The following B4GALT6 variants were observed in gnomAD, a reference collection of about 807,000 sequenced individuals.
B4GALT6 encodes beta-1,4-galactosyltransferase 6, also known as UDP-Gal:beta-GlcNAc beta-1,4-galactosyltransferase 6.
Under a neutral mutation model 46.3 loss-of-function variants are expected in B4GALT6, and 14 were observed. The observed-to-expected ratio is 0.30, with a 90% CI of 0.20 to 0.47. B4GALT6 has a LOEUF of 0.47. Among genes scored for constraint, B4GALT6 ranks in the 20% least tolerant of loss-of-function variants. The pLI is 0.99. For missense variants in B4GALT6, 386 were observed against 480.1 expected, an observed-to-expected ratio of 0.80 and a Z score of 1.83; for synonymous variants, 168 against 162.0, an observed-to-expected ratio of 1.04 and a Z score of -0.28.
the B4GALT6 span, among the ~76,000 whole-genome samples, chr18:31,707,043 A>G: frequency 6.6e-6 from 1 of 152,184 alleles, no homozygotes; most frequent in Non-Finnish European, 1.5e-5. Flanking sequence ...AACATACATT[A>G]CCTATACTAC....
rs1393426662 is a variant in B4GALT6 at position 31,631,098 on chromosome 18, T to G, written c.637A>C (p.Lys213Gln). 1 of 1,613,972 alleles carries G rather than the reference T, an allele frequency of 6.2e-7. No individual in the cohort carries two copies. The highest frequency in any genetic ancestry group is 1.3e-5 in the African/African-American group (1 of 74,886). Residue 213 changes from lysine (K) to glutamine (Q), a missense_variant, in exon 6 of 9, where the codon AAA becomes CAA. Lys to Gln is a moderately conservative substitution (Grantham distance 53, BLOSUM62 1). Coordinates refer to ENST00000306851, the MANE Select transcript of B4GALT6 (RefSeq NM_004775.5). ...NRAMLFNVGFKEAMKDSVWDC... is the reference protein window; with the variant it reads ...NRAMLFNVGFQEAMKDSVWDC... ...CAGACACTGTCTTTCATGGCCTCTT[T>G]GAAGCCCACATTGAAAAGCATCGCA... is the stretch of plus-strand genomic sequence containing the variant.
chr18:31,675,632 G>C (rs1196052317), intron 1 of B4GALT6, among the ~76,000 whole-genome samples: 2 of 152,078 alleles, frequency 1.3e-5, no homozygotes, highest in Non-Finnish European at 1.5e-5. Context: ...AGAGAGTTAT[G>C]AACCACACTG....
the B4GALT6 span, among the ~76,000 whole-genome samples, chr18:31,715,421 G>A: frequency 1.3e-5 from 2 of 151,216 alleles, no homozygotes; most frequent in African/African-American, 4.9e-5. Flanking sequence ...TAGAGATGGG[G>A]TCTCACTATA....
chr18:31,672,131 C>A (rs114631858), intron 1 of B4GALT6, among the ~76,000 whole-genome samples: 20 of 152,342 alleles, frequency 1.3e-4, no homozygotes, highest in African/African-American at 4.8e-4. Flanking sequence ...TGCCTGCCTG[C>A]AGGGATCTAG....
At chr18:31,722,062 C>T in the B4GALT6 span, among the ~76,000 whole-genome samples, 2 of 152,236 alleles carry the variant, frequency 1.3e-5, no homozygotes, top group Admixed American at 6.5e-5. Flanking sequence ...TATGCATACA[C>T]AAGATTCTGT....
intron 1 of B4GALT6, among the ~76,000 whole-genome samples, chr18:31,674,315 G>A (rs2074391624): frequency 6.6e-6 from 1 of 152,180 alleles, no homozygotes; most frequent in Non-Finnish European, 1.5e-5. Context: ...TTGGTTCAAG[G>A]CCACAGAGGA....
chr18:31,652,502 G>A (rs535626627), intron 3 of B4GALT6, among the ~76,000 whole-genome samples: 66 of 152,090 alleles, frequency 4.3e-4, no homozygotes, highest in Middle Eastern at 3.4e-3. Context: ...CACAAGTACG[G>A]ATTTTCTCAG....
chr18:31,724,476 C>G, the B4GALT6 span: 3 of 1,012,128 alleles, frequency 3.0e-6, no homozygotes, highest in South Asian at 1.1e-4. Flanking sequence ...CGGGCAGACC[C>G]GGGAGAGCTT....
chr18:31,708,904 G>A, the B4GALT6 span, among the ~76,000 whole-genome samples: 1 of 152,186 alleles, frequency 6.6e-6, no homozygotes, highest in Non-Finnish European at 1.5e-5. Flanking sequence ...TGCGCCATTA[G>A]GAAACAGGAA....
the B4GALT6 span, among the ~76,000 whole-genome samples, chr18:31,717,972 A>T: frequency 6.6e-6 from 1 of 151,466 alleles, no homozygotes; most frequent in Admixed American, 6.6e-5. Context: ...AAAAAAAAAG[A>T]TATTATATAT....
the B4GALT6 span, among the ~76,000 whole-genome samples, chr18:31,701,146 A>G: frequency 6.6e-6 from 1 of 152,190 alleles, no homozygotes; most frequent in East Asian, 1.9e-4. Flanking sequence ...TTGGAGGTGG[A>G]GCCTAGTGAG....
At chr18:31,686,092 C>T (rs575925873), upstream of B4GALT6, 2 of 152,428 alleles carry the variant, frequency 1.3e-5, no homozygotes, top group Non-Finnish European at 1.5e-5. Flanking sequence ...AATGTTTCTT[C>T]CTGCTAGCTG....
chr18:31,708,083 A>G, the B4GALT6 span, among the ~76,000 whole-genome samples: 1 of 152,188 alleles, frequency 6.6e-6, no homozygotes, highest in East Asian at 1.9e-4. Flanking sequence ...AGTATGCATT[A>G]TGATCACCTA....
intron 3 of B4GALT6, among the ~76,000 whole-genome samples, chr18:31,654,193 A>G (rs1347991142): frequency 1.3e-5 from 2 of 152,236 alleles, no homozygotes; most frequent in African/African-American, 4.8e-5. Context: ...TTGAATAAGA[A>G]TTAAAAGATA....
At chr18:31,668,258 T>C (rs568297119) in intron 1 of B4GALT6, among the ~76,000 whole-genome samples, 9 of 152,156 alleles carry the variant, frequency 5.9e-5, no homozygotes, top group African/African-American at 2.2e-4. Flanking sequence ...AGCTAGACAC[T>C]GGGTACTCAT....
the B4GALT6 span, among the ~76,000 whole-genome samples, chr18:31,709,886 A>G: frequency 6.6e-6 from 1 of 152,026 alleles, no homozygotes; most frequent in East Asian, 1.9e-4. Flanking sequence ...TGAGGTCAGG[A>G]GTTCAAGACC....
intron 3 of B4GALT6, among the ~76,000 whole-genome samples, chr18:31,649,462 ATTTC>A (rs973819401): frequency 6.6e-6 from 1 of 151,860 alleles, no homozygotes; most frequent in Non-Finnish European, 1.5e-5. Context: ...GTGCTAAAAT[ATTTC>A]TTTAAGACAT....
chr18:31,645,553 G>T (rs2073982000), intron 3 of B4GALT6, 74 bp from the exon 4 acceptor site: 23 of 1,454,180 alleles, frequency 1.6e-5, no homozygotes, highest in Non-Finnish European at 2.0e-5. Context: ...ATAATAATCA[G>T]CAGGGTGATG....
At chr18:31,636,558 C>G (rs911108878) in intron 5 of B4GALT6, among the ~76,000 whole-genome samples, 23 of 152,142 alleles carry the variant, frequency 1.5e-4, no homozygotes, top group Non-Finnish European at 1.0e-4. Flanking sequence ...CACAGACCCA[C>G]TAAATGGCTA....
Sources: allele counts gnomAD v4.1 joint callset (sites outside exome capture counted in the v4.1 genomes callset), GRCh38; gene constraint gnomAD v4.1.1; transcripts MANE v1.5; gene names NCBI Gene and HGNC (gene_info 2026-07-23, HGNC 2026-07-21).